The following SETD5 variants were observed in gnomAD, a reference collection of about 807,000 sequenced individuals.
SETD5 encodes histone-lysine N-methyltransferase SETD5.
SETD5 carries 44 observed loss-of-function variants against 153.3 expected under a neutral mutation model. That is an observed-to-expected ratio of 0.29 (90% CI 0.23 to 0.37). SETD5 has a LOEUF of 0.37. SETD5 is among the 10% of genes least tolerant of loss of function. The probability of loss-of-function intolerance (pLI) is 1.00; values close to 1 mark genes in which losing one functional copy is unlikely to be tolerated. For missense variants in SETD5, 1,544 were observed against 1,768.0 expected (o/e 0.87, Z 2.27); for synonymous variants, 716 against 645.2 (o/e 1.11, Z -1.66).
At chr3:9,437,563 A>G (rs1248210609) in intron 7 of SETD5, among the ~76,000 whole-genome samples, 1 of 136,140 alleles carries the variant, frequency 7.3e-6, no homozygotes, top group African/African-American at 3.5e-5. Flanking sequence ...AAATATATAT[A>G]TATGAGGAAA....
At chr3:9,437,994 C>G (rs1290468565) in intron 7 of SETD5, among the ~76,000 whole-genome samples, 7 of 141,622 alleles carry the variant, frequency 4.9e-5, no homozygotes, top group Admixed American at 4.9e-4. Context: ...CAGAGCAAGA[C>G]TCCATCTCAA....
rs1289731577 is a variant in SETD5 at position 9,473,529 on chromosome 3, C to T, written c.3489C>T (p.Ser1163=). The T allele has an allele frequency of 1.9e-6, 3 of 1,610,510 alleles. No individual in the cohort carries two copies. The highest frequency in any genetic ancestry group is 1.7e-5 in the Admixed American group (1 of 59,524). The change falls in exon 20 of 23, where the codon AGC becomes AGT. Residue 1163 remains serine, a synonymous_variant. Coordinates refer to ENST00000402198, the MANE Select transcript of SETD5 (RefSeq NM_001080517.3). ...ACTGCAGACCTCAAGAGAATATCAG[C>T]AGTAGGTGGTAAGTTTATATTTGAT... ...SSHCRPQENI[S]SRWMVPTSVE...
intron 7 of SETD5, among the ~76,000 whole-genome samples, chr3:9,437,504 G>C (rs960727410): frequency 2.2e-5 from 3 of 139,220 alleles, no homozygotes; most frequent in African/African-American, 9.7e-5. Flanking sequence ...TGATTATGCT[G>C]TCTGGTATCC....
intron 1 of SETD5, among the ~76,000 whole-genome samples, chr3:9,414,690 C>T (rs1449086762): frequency 1.3e-5 from 2 of 152,088 alleles, no homozygotes; most frequent in Admixed American, 1.3e-4. Context: ...TTCTCCTCAT[C>T]AACAGATGGA....
At chr3:9,406,598 ACT>A (rs1239303442) in intron 1 of SETD5, among the ~76,000 whole-genome samples, 16 of 143,490 alleles carry the variant, frequency 1.1e-4, no homozygotes, top group Middle Eastern at 3.5e-3. Context: ...ACAGAGCGAG[ACT>A]CTGTCTCAAA....
At chr3:9,473,215 T>G (rs1308561935) in intron 19 of SETD5, 21 bp from the exon 20 acceptor site, 3 of 1,604,124 alleles carry the variant, frequency 1.9e-6, no homozygotes, top group East Asian at 2.2e-5. Flanking sequence ...GTTTTTTGTT[T>G]GTTTGTTTTT....
At chr3:9,417,125 A>G (rs2037580691) in intron 1 of SETD5, among the ~76,000 whole-genome samples, 1 of 152,172 alleles carries the variant, frequency 6.6e-6, no homozygotes, top group Non-Finnish European at 1.5e-5. Flanking sequence ...AATGATAGTA[A>G]CCAAAGTTAT....
intron 1 of SETD5, among the ~76,000 whole-genome samples, chr3:9,409,265 T>G (rs2036193121): frequency 6.6e-6 from 1 of 152,216 alleles, no homozygotes; most frequent in Admixed American, 6.5e-5. Flanking sequence ...CTCACCCTTA[T>G]TTTTATTTGG....
rs200975171 is a variant in SETD5, at chr3:9,453,725, C to G, written c.2347-14C>G. The G allele has an allele frequency of 1.3e-6, 2 of 1,570,492 alleles. No individual in the cohort carries two copies. The highest frequency in any genetic ancestry group is 1.7e-6 in the Non-Finnish European group (2 of 1,166,908). On this transcript the variant is annotated splice_polypyrimidine_tract_variant and intron_variant, in intron 16 of 22. Transcript: ENST00000402198. ...GATAATTATTGATAATTCTCTGGTTCTTTTCAATTATAGCGCTGGATAAAA... is the reference window on the plus strand; with the variant it reads ...GATAATTATTGATAATTCTCTGGTTGTTTTCAATTATAGCGCTGGATAAAA...
intron 13 of SETD5, among the ~76,000 whole-genome samples, chr3:9,446,286 CAAAAAAAA>C (rs577044895): frequency 8.8e-5 from 2 of 22,844 alleles, no homozygotes; most frequent in Non-Finnish European, 2.5e-4. Flanking sequence ...GACTCCATCT[CAAAAAAAA>C]AAAAAAAAAA....
chr3:9,443,141 A>G (rs368691454), intron 10 of SETD5, 167 bp from the exon 11 acceptor site: 24 of 584,130 alleles, frequency 4.1e-5, no homozygotes, highest in South Asian at 2.3e-4. Flanking sequence ...CCAGTGCAGT[A>G]TAATAGTTTC....
intron 13 of SETD5, among the ~76,000 whole-genome samples, chr3:9,445,965 GTTT>G (rs376821559): frequency 4.6e-5 from 4 of 86,460 alleles, no homozygotes; most frequent in East Asian, 3.1e-4. Context: ...TGAAGAGGTT[GTTT>G]TTTTTTTTTT....
chr3:9,432,329 G>T (rs993656391), intron 3 of SETD5: 1 of 982,646 alleles, frequency 1.0e-6, no homozygotes, highest in Non-Finnish European at 1.2e-6. Flanking sequence ...AACTGGGTGA[G>T]TTGGATACAT....
chr3:9,445,374 G>A (rs1247178505), intron 12 of SETD5, 74 bp downstream of exon 12: 2 of 1,491,358 alleles, frequency 1.3e-6, no homozygotes, highest in Middle Eastern at 1.7e-4. Context: ...GTTGCCGCAT[G>A]GTTTAAGTAG....
chr3:9,476,084 T>A lies in SETD5; in HGVS notation c.4322T>A (p.Leu1441His). Reference sequence around the variant, plus strand: ...TCAGGAGTCAAGACTCAGACGGGACTTTCCTAGGGCTTCTGGATTTGGGCA... The same window carrying A: ...TCAGGAGTCAAGACTCAGACGGGACATTCCTAGGGCTTCTGGATTTGGGCA... ...QGSGVKTQTGLS is the reference protein window; with the variant it reads ...QGSGVKTQTGHS The change falls in exon 23 of 23, where the codon CTT becomes CAT. Residue 1441 changes from leucine (L) to histidine (H), a missense_variant. Transcript: ENST00000402198. 6.2e-7 allele frequency: 1 copy of A among 1,612,498 alleles called. No homozygotes were observed. The highest frequency in any genetic ancestry group is 8.5e-7 in the Non-Finnish European group (1 of 1,178,894).
chr3:9,460,258 A>G (rs145967960), intron 17 of SETD5, among the ~76,000 whole-genome samples: 2 of 150,104 alleles, frequency 1.3e-5, no homozygotes, highest in Non-Finnish European at 1.5e-5. Flanking sequence ...TTTTATTCAT[A>G]GTAGTAAAAA....
chr3:9,458,334 G>C (rs2043515012), intron 17 of SETD5, among the ~76,000 whole-genome samples: 1 of 151,904 alleles, frequency 6.6e-6, no homozygotes, highest in Non-Finnish European at 1.5e-5. Flanking sequence ...TTCAAACTTG[G>C]GCCTGGCATG....
At position 9,460,497 on chromosome 3, in the gene SETD5, T is replaced by C. The variant is rs563086771; in HGVS notation, c.2477-3928T>C. On this transcript the variant is annotated intron_variant, in intron 17 of 22. Transcript: ENST00000402198. ...TGACTTCTATAGTTCATTGCTAGAA[T>C]AGCTAAAATATTTTGGAGAACTAGA... is the stretch of plus-strand genomic sequence containing the variant. Among the ~76,000 whole-genome samples the C allele has an allele frequency of 5.9e-5, 9 of 151,806 alleles. No homozygotes were observed. The South Asian group carries it at 1.9e-3, about 32-fold the overall frequency.
intron 7 of SETD5, among the ~76,000 whole-genome samples, chr3:9,439,116 G>A (rs2040956116): frequency 6.6e-6 from 1 of 152,208 alleles, no homozygotes; most frequent in Non-Finnish European, 1.5e-5. Context: ...GACACTGCCA[G>A]TCCCCCTAGT....
Sources: gnomAD v4.1 joint callset for allele counts (sites outside exome capture counted in the v4.1 genomes callset) on GRCh38, gnomAD v4.1.1 for gene constraint, MANE v1.5 for transcripts, NCBI Gene and HGNC (gene_info 2026-07-23, HGNC 2026-07-21) for gene names.